The following LINC00632 variants were observed in gnomAD, a reference collection of about 807,000 sequenced individuals.
LINC00632 encodes the protein ALDOA related specific transcript.
chrX:140,759,662 G>A (rs757700223), intron 3 of LINC00632, among the ~76,000 whole-genome samples: 9 of 111,074 alleles, frequency 8.1e-5, no homozygotes, highest in African/African-American at 2.9e-4. Context: ...TTTGGCTCGT[G>A]TATTCTTTGG....
At chrX:140,758,597 C>G (rs963369387) in intron 3 of LINC00632, among the ~76,000 whole-genome samples, 1 of 111,450 alleles carries the variant, frequency 9.0e-6, no homozygotes, top group African/African-American at 3.3e-5. Flanking sequence ...AGGCTGGTCT[C>G]GAACTCCTGA....
At chrX:140,738,163 G>A (rs113638757) in intron 3 of LINC00632, among the ~76,000 whole-genome samples, 4,199 of 111,315 alleles carry the variant, frequency 0.038, 176 homozygotes, top group African/African-American at 0.13. Flanking sequence ...TTAATGTTGA[G>A]AATAGATGGA....
exon 5 of LINC00632, among the ~76,000 whole-genome samples, chrX:140,788,317 T>A (rs966345869): frequency 5.4e-5 from 6 of 110,427 alleles, no homozygotes; most frequent in African/African-American, 2.0e-4. Context: ...TTATGATTAT[T>A]ATTAACATTA....
intron 2 of LINC00632, among the ~76,000 whole-genome samples, chrX:140,733,359 CTG>C (rs1931090622): frequency 9.0e-6 from 1 of 111,366 alleles, no homozygotes; most frequent in Non-Finnish European, 1.9e-5. Flanking sequence ...AAATGTCAAA[CTG>C]TAATATTTAA....
intron 1 of LINC00632, chrX:140,711,563 CT>C: frequency 3.6e-6 from 1 of 279,260 alleles, no homozygotes; most frequent in South Asian, 3.8e-5. Context: ...TTATAAATAA[CT>C]GAAGGAATAT....
chrX:140,780,948 G>A (rs1433027935), exon 5 of LINC00632, among the ~76,000 whole-genome samples: 1 of 110,037 alleles, frequency 9.1e-6, no homozygotes, highest in Non-Finnish European at 1.9e-5. Flanking sequence ...TCTACTGTAC[G>A]TATCTAGTAG....
At chrX:140,762,240 A>C (rs896104808) in intron 3 of LINC00632, among the ~76,000 whole-genome samples, 4 of 107,955 alleles carry the variant, frequency 3.7e-5, no homozygotes, top group African/African-American at 1.0e-4. Context: ...AGAGAGAGAG[A>C]GAGCACTCTT....
chrX:140,720,878 C>T (rs748218313), intron 2 of LINC00632, among the ~76,000 whole-genome samples: 15 of 111,573 alleles, frequency 1.3e-4, no homozygotes, highest in East Asian at 2.8e-4. Context: ...TAAAACCCCA[C>T]GATGCACAGA....
At chrX:140,726,267 C>A (rs1225645588) in intron 2 of LINC00632, among the ~76,000 whole-genome samples, 2 of 111,371 alleles carry the variant, frequency 1.8e-5, no homozygotes, top group Non-Finnish European at 3.8e-5. Context: ...GTCCATGCCC[C>A]ACAACGCACG....
At chrX:140,783,325 A>C (rs766762878) in exon 5 of LINC00632, 28 of 397,956 alleles carry the variant, frequency 7.0e-5, no homozygotes, top group African/African-American at 5.4e-4. Flanking sequence ...CGGACAATCC[A>C]TGTCTTCCAA....
chrX:140,719,447 C>T (rs905277009), intron 2 of LINC00632, among the ~76,000 whole-genome samples: 2 of 110,606 alleles, frequency 1.8e-5, no homozygotes, highest in South Asian at 4.0e-4. Flanking sequence ...TACAGGTGTG[C>T]ACCACCACGC....
At chrX:140,722,265 A>G (rs1412155727) in intron 2 of LINC00632, among the ~76,000 whole-genome samples, 2 of 109,956 alleles carry the variant, frequency 1.8e-5, no homozygotes, top group Non-Finnish European at 3.8e-5. Flanking sequence ...TGAATTCATC[A>G]CACAACACGC....
intron 3 of LINC00632, among the ~76,000 whole-genome samples, chrX:140,746,379 C>A (rs1931326974): frequency 8.9e-6 from 1 of 112,018 alleles, no homozygotes; most frequent in Non-Finnish European, 1.9e-5. Flanking sequence ...TCCCCTTTCC[C>A]CGTTCCTCTA....
intron 3 of LINC00632, among the ~76,000 whole-genome samples, chrX:140,768,667 A>ATT (rs1931737525): frequency 1.0e-5 from 1 of 97,645 alleles, no homozygotes; most frequent in Non-Finnish European, 2.0e-5. Flanking sequence ...TAATAAATCT[A>ATT]TAATAAATAT....
At chrX:140,745,230 C>T (rs1931308413) in intron 3 of LINC00632, among the ~76,000 whole-genome samples, 1 of 109,770 alleles carries the variant, frequency 9.1e-6, no homozygotes, top group African/African-American at 3.3e-5. Flanking sequence ...GTAGCCCATT[C>T]AGTCTCTGGC....
At chrX:140,753,768 C>CTTTTTTTTTTTTTTT (rs752596283) in intron 3 of LINC00632, among the ~76,000 whole-genome samples, 4 of 49,728 alleles carry the variant, frequency 8.0e-5, no homozygotes, top group African/African-American at 1.9e-4. Context: ...TTCTTTCTTT[C>CTTTTTTTTTTTTTTT]TTTTTTTTTT....
intron 2 of LINC00632, chrX:140,716,195 A>G (rs772280503): frequency 8.9e-6 from 1 of 112,075 alleles, no homozygotes; most frequent in South Asian, 3.8e-4. Flanking sequence ...AACAACAGAA[A>G]TACAGCTTGT....
At chrX:140,735,927 T>C (rs960813913) in intron 3 of LINC00632, among the ~76,000 whole-genome samples, 1 of 111,593 alleles carries the variant, frequency 9.0e-6, no homozygotes, top group African/African-American at 3.3e-5. Context: ...TTAACAATTT[T>C]ATAGGAAATA....
intron 3 of LINC00632, among the ~76,000 whole-genome samples, chrX:140,737,236 A>G (rs1931159669): frequency 9.0e-6 from 1 of 111,617 alleles, no homozygotes; most frequent in East Asian, 2.8e-4. Context: ...ATTTTACGAT[A>G]CAGTCTGAGA....
Sources: gnomAD v4.1 joint callset for allele counts (sites outside exome capture counted in the v4.1 genomes callset) on GRCh38, gnomAD v4.1.1 for gene constraint, MANE v1.5 for transcripts, NCBI Gene and HGNC (gene_info 2026-07-23, HGNC 2026-07-21) for gene names.